Variants in TENM3 observed in about 807,000 individuals in gnomAD.
TENM3 encodes teneurin-3.
TENM3 carries 63 observed loss-of-function variants against 255.1 expected under a neutral mutation model. That is an observed-to-expected ratio of 0.25 (90% CI 0.20 to 0.30). The LOEUF is 0.30. TENM3 is among the 10% of genes least tolerant of loss of function. TENM3 has a pLI of 1.00. For missense variants in TENM3, 2,929 were observed against 3,461.1 expected (o/e 0.85, Z 3.86); for synonymous variants, 1,306 against 1,322.3 (o/e 0.99, Z 0.27).
At chr4:182,334,987 ATCTC>A (rs1764007467) in intron 2 of TENM3, among the ~76,000 whole-genome samples, 1 of 152,002 alleles carries the variant, frequency 6.6e-6, no homozygotes, top group East Asian at 1.9e-4. Context: ...TCATTAAGGC[ATCTC>A]TCTATCTTTT....
Position 182,725,945 on chromosome 4 carries a change from C to T in TENM3, c.2369-3020C>T, listed in dbSNP as rs531768790. Among the ~76,000 whole-genome samples the T allele has an allele frequency of 6.6e-5, 10 of 152,158 alleles. No homozygotes were observed. In the South Asian group the frequency reaches 1.9e-3, roughly 28 times the overall value. ...GAGCTACCGCGCCCGGCTTAATTTT[C>T]TTAAAACATGATTTTAGCTTTTTTC... On this transcript the variant is annotated intron_variant, in intron 13 of 27. Transcript: ENST00000511685.
chr4:182,445,414 TTTTGATTTTGTA>T (rs1248543574), intron 3 of TENM3, among the ~76,000 whole-genome samples: 1 of 152,208 alleles, frequency 6.6e-6, no homozygotes, highest in African/African-American at 2.4e-5. Context: ...GAGTGTTTGA[TTTTGATTTTGTA>T]TTAGCACCTC....
At chr4:182,296,135 G>C (rs1416469843) in intron 1 of TENM3, among the ~76,000 whole-genome samples, 4 of 152,066 alleles carry the variant, frequency 2.6e-5, no homozygotes, top group East Asian at 1.9e-4. Context: ...GGCTAATTTT[G>C]TATGTTTAGT....
the TENM3 span, among the ~76,000 whole-genome samples, chr4:182,071,520 G>A: frequency 0.71 from 106,307 of 148,902 alleles, 38,569 homozygotes; most frequent in East Asian, 0.87. Flanking sequence ...ATCTCGGCTC[G>A]CTGCAACCTC....
At chr4:182,592,149 T>G (rs1388380203) in intron 3 of TENM3, among the ~76,000 whole-genome samples, 1 of 150,460 alleles carries the variant, frequency 6.6e-6, no homozygotes, top group Admixed American at 6.6e-5. Flanking sequence ...TTTTTTTACA[T>G]CTGCAACAGA....
chr4:182,287,852 C>T (rs542604939), intron 1 of TENM3, among the ~76,000 whole-genome samples: 2 of 152,064 alleles, frequency 1.3e-5, no homozygotes, highest in South Asian at 2.1e-4. Flanking sequence ...CTCCTGACCT[C>T]GTGATCCGCC....
At chr4:182,656,134 C>T (rs1256832975) in intron 6 of TENM3, among the ~76,000 whole-genome samples, 2 of 152,088 alleles carry the variant, frequency 1.3e-5, no homozygotes, top group Non-Finnish European at 2.9e-5. Context: ...AAGCGAAGTA[C>T]TTTCTTCCTA....
intron 22 of TENM3, among the ~76,000 whole-genome samples, chr4:182,771,814 T>C (rs1764254850): frequency 6.6e-6 from 1 of 152,236 alleles, no homozygotes; most frequent in African/African-American, 2.4e-5. Context: ...TAGGGGCGTT[T>C]GGGTTGGTGG....
At chr4:181,797,461 A>G in the TENM3 span, among the ~76,000 whole-genome samples, 333 of 152,208 alleles carry the variant, frequency 2.2e-3, 1 homozygote, top group Non-Finnish European at 3.4e-3. Flanking sequence ...TTGATTTAGT[A>G]TGGTAGGCTC....
At chr4:182,333,583 G>A (rs1387872541) in intron 2 of TENM3, among the ~76,000 whole-genome samples, 2 of 152,102 alleles carry the variant, frequency 1.3e-5, no homozygotes, top group African/African-American at 2.4e-5. Flanking sequence ...CAATATGGTA[G>A]TAATATTTGA....
intron 1 of TENM3, among the ~76,000 whole-genome samples, chr4:182,208,231 G>A (rs1754717224): frequency 1.3e-5 from 2 of 152,232 alleles, no homozygotes; most frequent in South Asian, 2.1e-4. Flanking sequence ...AAAAGCACTG[G>A]GTAATCACCC....
the TENM3 span, among the ~76,000 whole-genome samples, chr4:181,778,622 T>A: frequency 6.6e-6 from 1 of 152,140 alleles, no homozygotes; most frequent in South Asian, 2.1e-4. Context: ...TTTGCCTTGA[T>A]TGAGAAATAA....
intron 1 of TENM3, among the ~76,000 whole-genome samples, chr4:182,195,873 T>A (rs1321026022): frequency 6.6e-6 from 1 of 152,084 alleles, no homozygotes; most frequent in Non-Finnish European, 1.5e-5. Flanking sequence ...TCCATTATAT[T>A]CTCAGAAAAA....
intron 3 of TENM3, among the ~76,000 whole-genome samples, chr4:182,569,342 G>A (rs943499927): frequency 6.6e-6 from 1 of 152,054 alleles, no homozygotes; most frequent in African/African-American, 2.4e-5. Flanking sequence ...ATCACTTGAG[G>A]TGAGGAGTTC....
At chr4:181,966,073 A>G in the TENM3 span, among the ~76,000 whole-genome samples, 2 of 152,224 alleles carry the variant, frequency 1.3e-5, no homozygotes, top group Non-Finnish European at 2.9e-5. Flanking sequence ...CTGCATATCA[A>G]TTTGACTGTA....
the TENM3 span, among the ~76,000 whole-genome samples, chr4:181,899,855 T>G: frequency 3.3e-5 from 5 of 152,310 alleles, no homozygotes; most frequent in African/African-American, 1.2e-4. Flanking sequence ...CTATGTTTTT[T>G]GTATAGGATC....
chr4:181,635,544 T>TC, the TENM3 span, among the ~76,000 whole-genome samples: 1 of 152,146 alleles, frequency 6.6e-6, no homozygotes, highest in Non-Finnish European at 1.5e-5. Flanking sequence ...ACCATGCTGA[T>TC]CCCCAGGAAA....
chr4:182,174,139 A>T (rs1253870576), intron 1 of TENM3, among the ~76,000 whole-genome samples: 1 of 152,116 alleles, frequency 6.6e-6, no homozygotes, highest in Non-Finnish European at 1.5e-5. Context: ...CTTGATGTTT[A>T]TCTTGATGAC....
chr4:181,605,546 GAAAGAAAGAAAGAAAGAAAGAA>G, the TENM3 span, among the ~76,000 whole-genome samples: 459 of 27,344 alleles, frequency 0.017, 57 homozygotes, highest in African/African-American at 0.02. Flanking sequence ...AAGAAAGAAA[GAAAGAAAGAAAGAAAGAAAGAA>G]AGAGAGAGAA....
Sources: allele counts gnomAD v4.1 joint callset (sites outside exome capture counted in the v4.1 genomes callset), GRCh38; gene constraint gnomAD v4.1.1; transcripts MANE v1.5; gene names NCBI Gene and HGNC (gene_info 2026-07-23, HGNC 2026-07-21).